Variants in RPAP3 observed in about 807,000 individuals in gnomAD.
RPAP3 encodes the protein RNA polymerase II associated protein 3.
In RPAP3, 58 loss-of-function variants were observed where a neutral mutation model predicts 88.8. That is an observed-to-expected ratio of 0.65 (90% CI 0.53 to 0.81). The LOEUF (loss-of-function observed/expected upper bound fraction) is 0.81, where lower values mean the gene tolerates loss of function less well. RPAP3 is among the 40% of genes least tolerant of loss of function. RPAP3 has a pLI of 0.00. For synonymous variants in RPAP3, 255 were observed against 259.9 expected, an observed-to-expected ratio of 0.98 and a Z score of 0.18; for missense variants, 751 against 764.3, an observed-to-expected ratio of 0.98 and a Z score of 0.20.
At position 47,670,754 on chromosome 12, in the gene RPAP3, G is replaced by A. The variant is rs79815852; in HGVS notation, c.1288-409C>T. On this transcript the variant is annotated intron_variant, in intron 12 of 16. Coordinates refer to ENST00000005386, the MANE Select transcript of RPAP3 (RefSeq NM_024604.3). ...GTCCAGTGGGGCTGGTGCACGGCACGGCATGGTGGAGATGAAGCCTCAAAG... is the reference window on the plus strand; with the variant it reads ...GTCCAGTGGGGCTGGTGCACGGCACAGCATGGTGGAGATGAAGCCTCAAAG... Among the ~76,000 whole-genome samples the A allele has an allele frequency of 1.7e-4, 26 of 152,270 alleles. No homozygotes were observed. The East Asian group carries it at 2.1e-3, about 12-fold the overall frequency.
rs1295228185 is a variant in RPAP3 at position 47,667,044 on chromosome 12, T to C, written c.1848A>G (p.Gln616=). 1.3e-6 allele frequency: 2 copies of C among 1,515,356 alleles called. No individual in the cohort carries two copies. Among genetic ancestry groups the C allele is most frequent in the Admixed American group, 2.5e-5 (1 of 40,742 alleles). 93.9% of individuals were successfully genotyped at this position (1,515,356 alleles called of 1,614,324 possible). Residue 616 remains glutamine (Q), a synonymous_variant, in exon 16 of 17, where the codon CAA becomes CAG. Transcript: ENST00000005386. ...EKPLLIFEIL[Q]RLSELKRFDM... is the part of the protein sequence containing the mutation. ...CAAACCTTTTTAGTTCAGAAAGTCT[T>C]TGTAAGATTTCAAAGATGAGTAATG... is the stretch of plus-strand genomic sequence containing the variant.
intron 12 of RPAP3, among the ~76,000 whole-genome samples, chr12:47,678,782 C>T (rs919712637): frequency 7.3e-5 from 11 of 151,294 alleles, no homozygotes; most frequent in East Asian, 1.9e-4. Context: ...GAAATAGGAA[C>T]GCTTTTACAC....
intron 1 of RPAP3, 68 bp from the exon 2 acceptor site, chr12:47,702,914 G>T: frequency 7.5e-7 from 1 of 1,329,374 alleles, no homozygotes; most frequent in Non-Finnish European, 1.0e-6. Flanking sequence ...CTGAAAGCTA[G>T]CTAATTATCT....
intron 9 of RPAP3, among the ~76,000 whole-genome samples, chr12:47,685,818 AAGC>A (rs142373828): frequency 0.043 from 6,534 of 152,252 alleles, 453 homozygotes; most frequent in African/African-American, 0.14. Context: ...ACATGCAAAT[AAGC>A]AGCAGGTTAA....
Position 47,667,842 on chromosome 12 carries a change from G to A in RPAP3, c.1723C>T (p.Pro575Ser), listed in dbSNP as rs763567998. 2 of 1,583,548 alleles carry A rather than the reference G, an allele frequency of 1.3e-6. No individual in the cohort carries two copies. The highest frequency in any genetic ancestry group is 1.7e-6 in the Non-Finnish European group (2 of 1,159,348). ...MLYQYLKQIEPSLYPKLFQKN... is the reference protein window; with the variant it reads ...MLYQYLKQIESSLYPKLFQKN... Reference sequence around the variant, plus strand: ...TGAAACAACTTAGGATACAAAGATGGTTCAATTTGCTTGAAAAAAAAATAA... The same window carrying A: ...TGAAACAACTTAGGATACAAAGATGATTCAATTTGCTTGAAAAAAAAATAA... The change falls in exon 15 of 17, where the codon CCA (proline) becomes TCA (serine). Residue 575 changes from proline (P) to serine (S), a missense_variant. Pro to Ser is a moderately conservative substitution (Grantham distance 74). Transcript: ENST00000005386.
chr12:47,696,156 GA>G (rs1433641639), intron 5 of RPAP3, 119 bp downstream of exon 5: 29 of 856,636 alleles, frequency 3.4e-5, no homozygotes, highest in Non-Finnish European at 4.8e-5. Flanking sequence ...ATTTACAGTT[GA>G]AAAGAAAATG....
At position 47,692,499 on chromosome 12, in the gene RPAP3, T is replaced by G. The variant is rs562784165; in HGVS notation, c.546-1860A>C. Reference sequence around the variant, plus strand: ...TTCTGCTAGCTTTCAACTTTTCTTCTGCAGCTTTCTCACCTCTCTCAACCT... The same window carrying G: ...TTCTGCTAGCTTTCAACTTTTCTTCGGCAGCTTTCTCACCTCTCTCAACCT... On this transcript the variant is annotated intron_variant, in intron 5 of 16. Transcript: ENST00000005386. 2.9e-4 allele frequency among the ~76,000 whole-genome samples: 44 copies of G among 152,354 alleles called. 1 individual carries two copies. The highest frequency in any genetic ancestry group is 1.2e-3 in the Admixed American group (19 of 15,304).
At chr12:47,676,400 G>A (rs1234292798) in intron 12 of RPAP3, among the ~76,000 whole-genome samples, 1 of 152,142 alleles carries the variant, frequency 6.6e-6, no homozygotes, top group Non-Finnish European at 1.5e-5. Flanking sequence ...TATGATCAGA[G>A]CAGAACTGAA....
chr12:47,697,854 C>T, intron 3 of RPAP3, 135 bp from the exon 4 acceptor site: 1 of 757,248 alleles, frequency 1.3e-6, no homozygotes, highest in African/African-American at 1.9e-5. Flanking sequence ...TACAAAGCAA[C>T]CCAAATCTCT....
chr12:47,670,839 T>C (rs1467542214), intron 12 of RPAP3, among the ~76,000 whole-genome samples: 1 of 152,178 alleles, frequency 6.6e-6, no homozygotes, highest in Non-Finnish European at 1.5e-5. Context: ...TGGACTCTAT[T>C]CTAGGGGCAA....
chr12:47,664,891 C>T (rs1283791221), intron 16 of RPAP3: 1 of 152,110 alleles, frequency 6.6e-6, no homozygotes, highest in Non-Finnish European at 1.5e-5. Context: ...CCACTGTCAG[C>T]TAGTAATATA....
intron 16 of RPAP3, among the ~76,000 whole-genome samples, chr12:47,665,617 A>T (rs907804584): frequency 1.3e-5 from 2 of 149,408 alleles, no homozygotes; most frequent in Admixed American, 6.7e-5. Context: ...ACATATATAT[A>T]TTTTAATATA....
chr12:47,671,468 C>T (rs1938996438), intron 12 of RPAP3, among the ~76,000 whole-genome samples: 1 of 152,132 alleles, frequency 6.6e-6, no homozygotes, highest in Non-Finnish European at 1.5e-5. Flanking sequence ...AGATAACAAA[C>T]TCAATGTTAA....
At chr12:47,683,496 A>C (rs1229683591) in intron 9 of RPAP3, among the ~76,000 whole-genome samples, 1 of 152,218 alleles carries the variant, frequency 6.6e-6, no homozygotes, top group Non-Finnish European at 1.5e-5. Flanking sequence ...TTGTATATTT[A>C]ATTGCATATT....
At chr12:47,686,238 T>C (rs1370590768) in intron 9 of RPAP3, among the ~76,000 whole-genome samples, 2 of 152,202 alleles carry the variant, frequency 1.3e-5, no homozygotes, top group Non-Finnish European at 2.9e-5. Flanking sequence ...AAAAAGCTGG[T>C]TAATATAGGA....
chr12:47,667,683 T>C, intron 15 of RPAP3, 71 bp downstream of exon 15: 1 of 758,236 alleles, frequency 1.3e-6, no homozygotes, highest in African/African-American at 1.8e-5. Flanking sequence ...TAATTAAAAT[T>C]GCAGTTTCCA....
rs756518385 is a variant in RPAP3, at chr12:47,690,655, A to G, written c.546-16T>C. ...AACAGCAAATCTGCAATTTAAAAAC[A>G]TTAAAATAAATAAAGTTAATAAAAC... On this transcript the variant is annotated splice_polypyrimidine_tract_variant and intron_variant, in intron 5 of 16. Transcript: ENST00000005386. 1.1e-5 allele frequency: 16 copies of G among 1,429,088 alleles called. No individual in the cohort carries two copies. The highest frequency in any genetic ancestry group is 1.5e-5 in the Non-Finnish European group (16 of 1,069,880). The allele number at this position is 1,429,088 out of a possible 1,614,324, so 88.5% of individuals were successfully genotyped here.
chr12:47,679,620 C>T (rs1458272463), intron 11 of RPAP3, 26 bp from the exon 12 acceptor site: 2 of 1,536,038 alleles, frequency 1.3e-6, no homozygotes, highest in Non-Finnish European at 1.8e-6. Flanking sequence ...ATAACCCTAA[C>T]TTTCAAAATA....
intron 13 of RPAP3, among the ~76,000 whole-genome samples, chr12:47,669,722 A>C (rs1291486122): frequency 6.6e-6 from 1 of 152,200 alleles, no homozygotes; most frequent in Non-Finnish European, 1.5e-5. Flanking sequence ...GTTAGAGTCC[A>C]CAACAGTCTT....
Sources: allele counts gnomAD v4.1 joint callset (sites outside exome capture counted in the v4.1 genomes callset), GRCh38; gene constraint gnomAD v4.1.1; transcripts MANE v1.5; gene names NCBI Gene and HGNC (gene_info 2026-07-23, HGNC 2026-07-21).